PHF24: variants seen among roughly 807,000 people sequenced by gnomAD.
The protein encoded by PHF24 is PHD finger protein 24.
PHF24 carries 25 observed loss-of-function variants against 42.6 expected under a neutral mutation model. That is an observed-to-expected ratio of 0.59 (90% CI 0.43 to 0.82). The LOEUF is 0.82. PHF24 is among the 40% of genes least tolerant of loss of function. PHF24 has a pLI of 0.00. For synonymous variants in PHF24, 185 were observed against 204.8 expected (o/e 0.90, Z 0.83); for missense variants, 470 against 538.1 (o/e 0.87, Z 1.25).
At chr9:34,832,626 G>C in the PHF24 span, 2 of 1,541,632 alleles carry the variant, frequency 1.3e-6, no homozygotes, top group Non-Finnish European at 1.8e-6. Context: ...TTTGCCTTTT[G>C]TCTTGGGGTT....
At chr9:34,700,723 G>A in the PHF24 span, among the ~76,000 whole-genome samples, 2 of 152,118 alleles carry the variant, frequency 1.3e-5, no homozygotes, top group East Asian at 1.9e-4. Flanking sequence ...AGACAATGAG[G>A]TCACCAAGAG....
At chr9:34,733,785 G>A in the PHF24 span, among the ~76,000 whole-genome samples, 1 of 152,104 alleles carries the variant, frequency 6.6e-6, no homozygotes, top group Non-Finnish European at 1.5e-5. Flanking sequence ...TTACAGGCAT[G>A]TACTACTGTG....
the PHF24 span, among the ~76,000 whole-genome samples, chr9:34,740,345 C>T: frequency 1.3e-5 from 2 of 152,244 alleles, no homozygotes; most frequent in East Asian, 1.9e-4. Context: ...GTGGGAGGCT[C>T]AGGCATGGCG....
chr9:34,836,168 C>T, the PHF24 span: 1 of 388,948 alleles, frequency 2.6e-6, no homozygotes, highest in Non-Finnish European at 5.1e-6. Context: ...AAGCCTACAC[C>T]CCCTTCATGT....
the PHF24 span, among the ~76,000 whole-genome samples, chr9:34,668,182 G>A: frequency 3.3e-5 from 5 of 152,340 alleles, no homozygotes; most frequent in East Asian, 5.8e-4. Flanking sequence ...CCATAGCCCT[G>A]ACTGGAACTT....
chr9:34,693,764 G>A, the PHF24 span, among the ~76,000 whole-genome samples: 2 of 152,194 alleles, frequency 1.3e-5, no homozygotes, highest in East Asian at 1.9e-4. Flanking sequence ...AGTTCATTAC[G>A]CCTGGCCTGC....
At chr9:34,681,569 G>A in the PHF24 span, among the ~76,000 whole-genome samples, 1 of 152,308 alleles carries the variant, frequency 6.6e-6, no homozygotes, top group African/African-American at 2.4e-5. Context: ...CCAGCCCTCT[G>A]GGAGACCGAG....
the PHF24 span, among the ~76,000 whole-genome samples, chr9:34,878,485 C>G: frequency 6.6e-6 from 1 of 152,202 alleles, no homozygotes; most frequent in African/African-American, 2.4e-5. Flanking sequence ...CCGTGACAGA[C>G]AGTAGCTGGA....
chr9:34,742,724 C>G, the PHF24 span, among the ~76,000 whole-genome samples: 1 of 118,564 alleles, frequency 8.4e-6, no homozygotes, highest in South Asian at 3.1e-4. Flanking sequence ...GCCACAATGC[C>G]CGGCTTCTTT....
At chr9:34,680,401 TAAG>T in the PHF24 span, among the ~76,000 whole-genome samples, 1 of 141,628 alleles carries the variant, frequency 7.1e-6, no homozygotes, top group East Asian at 2.1e-4. Flanking sequence ...AAAAATAAAA[TAAG>T]AAGGCCGGGC....
chr9:34,858,306 G>A, the PHF24 span, among the ~76,000 whole-genome samples: 1 of 152,130 alleles, frequency 6.6e-6, no homozygotes, highest in South Asian at 2.1e-4. Context: ...CAGCCCATTT[G>A]GAGATTCTGG....
At chr9:34,948,883 C>A in the PHF24 span, among the ~76,000 whole-genome samples, 1 of 152,144 alleles carries the variant, frequency 6.6e-6, no homozygotes, top group Admixed American at 6.5e-5. Context: ...CAAAGCTAGA[C>A]CGACTATATT....
chr9:34,739,541 G>C, the PHF24 span, among the ~76,000 whole-genome samples: 1 of 152,208 alleles, frequency 6.6e-6, no homozygotes, highest in Non-Finnish European at 1.5e-5. Context: ...CTCACGGTGA[G>C]TGTTACAGCT....
the PHF24 span, chr9:34,895,025 G>A: frequency 6.0e-5 from 24 of 398,376 alleles, no homozygotes; most frequent in Non-Finnish European, 8.8e-6. Context: ...TTAGAGGAGA[G>A]ACTGGGACTT....
chr9:34,759,429 G>A, the PHF24 span, among the ~76,000 whole-genome samples: 3 of 152,180 alleles, frequency 2.0e-5, no homozygotes, highest in East Asian at 1.9e-4. Flanking sequence ...CATAGTGTGC[G>A]GAGTCCTCCT....
the PHF24 span, among the ~76,000 whole-genome samples, chr9:34,938,068 A>G: frequency 6.6e-6 from 1 of 152,224 alleles, no homozygotes. Flanking sequence ...CAAAGTGGAG[A>G]CAGCCCTTGA....
chr9:34,816,708 A>G, the PHF24 span, among the ~76,000 whole-genome samples: 1 of 152,222 alleles, frequency 6.6e-6, no homozygotes, highest in Non-Finnish European at 1.5e-5. Context: ...CACATTGGTT[A>G]TAAAGTTTCA....
At chr9:34,917,336 G>A in the PHF24 span, 10 of 859,896 alleles carry the variant, frequency 1.2e-5, no homozygotes, top group Non-Finnish European at 1.8e-5. Context: ...CCAAGTGTGT[G>A]GAAGAGTTGC....
chr9:34,790,775 G>A, the PHF24 span, among the ~76,000 whole-genome samples: 6 of 152,232 alleles, frequency 3.9e-5, no homozygotes, highest in South Asian at 2.1e-4. Flanking sequence ...GGGAAGGTCC[G>A]TCTGAGGAGG....
Sources: gnomAD v4.1 joint callset for allele counts (sites outside exome capture counted in the v4.1 genomes callset) on GRCh38, gnomAD v4.1.1 for gene constraint, MANE v1.5 for transcripts, NCBI Gene and HGNC (gene_info 2026-07-23, HGNC 2026-07-21) for gene names.